ADGB: variants seen among roughly 807,000 people sequenced by gnomAD.
ADGB encodes androglobin, also known as calpain-7-like protein.
A neutral mutation model predicts 210.5 loss-of-function variants in ADGB; 172 were observed. The observed-to-expected ratio is 0.82, with a 90% CI of 0.72 to 0.93. ADGB has a LOEUF of 0.93. Ranked by LOEUF, ADGB falls within the 40% of genes least tolerant of loss-of-function variation. The pLI, the probability that ADGB is intolerant of heterozygous loss-of-function variation, is 0.00. For missense variants in ADGB, 2,025 were observed against 1,964.8 expected (o/e 1.03, Z -0.58); for synonymous variants, 658 against 662.7 (o/e 0.99, Z 0.11).
chr6:146,754,539 T>C (rs943468056), intron 27 of ADGB, among the ~76,000 whole-genome samples: 1 of 151,968 alleles, frequency 6.6e-6, no homozygotes, highest in Non-Finnish European at 1.5e-5. Flanking sequence ...TGGCTACATA[T>C]GTTTTATTAT....
intron 5 of ADGB, among the ~76,000 whole-genome samples, chr6:146,657,310 A>G (rs1168765774): frequency 1.7e-5 from 2 of 119,938 alleles, no homozygotes; most frequent in Admixed American, 1.8e-4. Context: ...GGGCAACAAG[A>G]GCAAAACTCC....
At chr6:146,704,889 T>C (rs1346000271) in intron 13 of ADGB, among the ~76,000 whole-genome samples, 1 of 152,134 alleles carries the variant, frequency 6.6e-6, no homozygotes, top group African/African-American at 2.4e-5. Flanking sequence ...AGAATGTTGA[T>C]AGATTACATT....
chr6:146,707,596 G>T (rs991229210), intron 13 of ADGB, among the ~76,000 whole-genome samples: 4 of 151,922 alleles, frequency 2.6e-5, no homozygotes, highest in Non-Finnish European at 5.9e-5. Context: ...AACCTTATTT[G>T]TCTCTTTTTT....
intron 1 of ADGB, among the ~76,000 whole-genome samples, chr6:146,622,618 G>A (rs1168608693): frequency 6.6e-6 from 1 of 151,968 alleles, no homozygotes; most frequent in African/African-American, 2.4e-5. Flanking sequence ...GGGCTGTAAG[G>A]GGTACAAACC....
intron 26 of ADGB, among the ~76,000 whole-genome samples, chr6:146,750,207 A>G (rs1777300219): frequency 6.6e-6 from 1 of 152,058 alleles, no homozygotes; most frequent in African/African-American, 2.4e-5. Flanking sequence ...GATAGGAGAG[A>G]ACTGTACTTA....
intron 26 of ADGB, 90 bp from the exon 27 acceptor site, chr6:146,752,440 G>GA: frequency 8.4e-7 from 1 of 1,185,262 alleles, no homozygotes; most frequent in South Asian, 1.7e-5. Flanking sequence ...AGCAGATTTG[G>GA]GCAGGGACAT....
At chr6:146,774,812 G>A (rs1232848363) in intron 29 of ADGB, among the ~76,000 whole-genome samples, 1 of 152,102 alleles carries the variant, frequency 6.6e-6, no homozygotes, top group East Asian at 1.9e-4. Flanking sequence ...AGTTACTAAT[G>A]TCTTTAATTT....
At chr6:146,672,144 G>A in intron 7 of ADGB, 76 bp from the exon 8 acceptor site, 1 of 1,424,550 alleles carries the variant, frequency 7.0e-7, no homozygotes, top group Non-Finnish European at 9.3e-7. Flanking sequence ...TGATTTTTCT[G>A]TCAGTAATTT....
At chr6:146,741,678 G>T (rs1285890680) in intron 25 of ADGB, among the ~76,000 whole-genome samples, 1 of 152,044 alleles carries the variant, frequency 6.6e-6, no homozygotes, top group East Asian at 1.9e-4. Flanking sequence ...GAAAATTGTA[G>T]TTACATAGCC....
rs1397148476 is a variant in ADGB at position 146,691,158 on chromosome 6, A to G, written c.1354A>G (p.Ile452Val). 9.0e-6 allele frequency: 14 copies of G among 1,548,754 alleles called. No homozygotes were observed. Among genetic ancestry groups the G allele is most frequent in the Non-Finnish European group, 1.2e-5 (14 of 1,145,972 alleles). Residue 452 changes from isoleucine (I) to valine (V), a missense_variant, in exon 11 of 36, where the codon ATC becomes GTC. Transcript: ENST00000397944. Reference protein sequence around the residue: ...EKLREYGLSHICSHPVLVTRS... With the variant: ...EKLREYGLSHVCSHPVLVTRS... ...ACTTAGAGAATATGGGCTTTCCCAC[A>G]TCTGTAGCCATCCTGTGCTGGTGAC... is the stretch of plus-strand genomic sequence containing the variant.
At position 146,664,353 on chromosome 6, in the gene ADGB, A is replaced by G; in HGVS notation, c.752+13A>G. 1 of 1,535,392 alleles carries G rather than the reference A, an allele frequency of 6.5e-7. No individual in the cohort carries two copies. Among genetic ancestry groups the G allele is most frequent in the Non-Finnish European group, 8.8e-7 (1 of 1,141,134 alleles). ...TGGCAAATATTGAGTATGTAATGAC[A>G]CTATCACTCACATGAATAAAAAAAG... On this transcript the variant is annotated intron_variant, in intron 6 of 35. Coordinates refer to ENST00000397944, the MANE Select transcript of ADGB (RefSeq NM_024694.4).
intron 34 of ADGB, 141 bp from the exon 35 acceptor site, chr6:146,801,687 T>G (rs1778134901): frequency 1.4e-5 from 9 of 659,778 alleles, no homozygotes; most frequent in Middle Eastern, 4.1e-4. Context: ...AAACAACCAT[T>G]TATTTTTTCT....
intron 25 of ADGB, among the ~76,000 whole-genome samples, chr6:146,745,120 C>A (rs1021465034): frequency 1.3e-5 from 2 of 152,060 alleles, no homozygotes; most frequent in African/African-American, 4.8e-5. Context: ...TTAAAAAATT[C>A]ATTCTGGCTT....
chr6:146,707,950 A>G (rs1378827531), intron 13 of ADGB, among the ~76,000 whole-genome samples: 1 of 151,812 alleles, frequency 6.6e-6, no homozygotes, highest in Non-Finnish European at 1.5e-5. Flanking sequence ...TAATTAGGTT[A>G]TGTTTTTAGT....
intron 1 of ADGB, among the ~76,000 whole-genome samples, chr6:146,614,157 T>C (rs1316765548): frequency 1.3e-5 from 2 of 151,608 alleles, no homozygotes; most frequent in African/African-American, 4.8e-5. Context: ...AGTTCCCTTT[T>C]ATCCCCAAAC....
rs1159347378 is a variant in ADGB, at chr6:146,692,866, A to G, written c.1528A>G (p.Ser510Gly). The change falls in exon 12 of 36, where the codon AGT (serine) becomes GGT (glycine). Residue 510 changes from serine to glycine, a missense_variant. Coordinates refer to ENST00000397944, the MANE Select transcript of ADGB (RefSeq NM_024694.4). ...KKPERFLEIS[S>G]PFLNYRMTPF... ...GCCTGAACGGTTCCTTGAGATTTCA[A>G]GTCCATTTTTGAATTATAGAATGAC... 1.3e-6 allele frequency: 2 copies of G among 1,541,692 alleles called. No homozygotes were observed. The highest frequency in any genetic ancestry group is 1.8e-6 in the Non-Finnish European group (2 of 1,140,630).
intron 3 of ADGB, among the ~76,000 whole-genome samples, chr6:146,652,340 A>G (rs1329363556): frequency 1.3e-5 from 2 of 152,206 alleles, no homozygotes; most frequent in African/African-American, 4.8e-5. Context: ...CAGTCAAGCC[A>G]GAAGAAACTA....
intron 29 of ADGB, among the ~76,000 whole-genome samples, chr6:146,773,228 C>T (rs1028046213): frequency 6.6e-6 from 1 of 151,476 alleles, no homozygotes; most frequent in Non-Finnish European, 1.5e-5. Flanking sequence ...CCTAAATTAC[C>T]ACCTCTCTTC....
At chr6:146,803,838 C>T (rs1778170251) in intron 35 of ADGB, 1 of 376,760 alleles carries the variant, frequency 2.7e-6, no homozygotes, top group African/African-American at 2.1e-5. Context: ...GCCATTCAAA[C>T]GCGGCCGCGC....
Sources: allele counts gnomAD v4.1 joint callset (sites outside exome capture counted in the v4.1 genomes callset), GRCh38; gene constraint gnomAD v4.1.1; transcripts MANE v1.5; gene names NCBI Gene and HGNC (gene_info 2026-07-23, HGNC 2026-07-21).